The following PDZD2 variants were observed in gnomAD, a reference collection of about 807,000 sequenced individuals.
PDZD2 encodes PDZ domain containing 2.
Under a neutral mutation model 220.7 loss-of-function variants are expected in PDZD2, and 90 were observed. The ratio of observed to expected loss-of-function variants is 0.41; its 90% CI spans 0.34 to 0.49. The LOEUF (loss-of-function observed/expected upper bound fraction) is 0.49, where lower values mean the gene tolerates loss of function less well. Among genes scored for constraint, PDZD2 ranks in the 20% least tolerant of loss-of-function variants. The pLI is 0.28. For missense variants in PDZD2, 3,174 were observed against 3,608.5 expected, an observed-to-expected ratio of 0.88 and a Z score of 3.08; for synonymous variants, 1,375 against 1,450.5, an observed-to-expected ratio of 0.95 and a Z score of 1.18.
rs574508596 is a variant in PDZD2 at position 31,993,045 on chromosome 5, G to C, written c.979-2531G>C. 2.6e-5 allele frequency among the ~76,000 whole-genome samples: 4 copies of C among 152,236 alleles called. No individual in the cohort carries two copies. The South Asian group carries it at 8.3e-4, about 32-fold the overall frequency. ...TCGGGCCCCATTGGAAGTGTTGAAAGTTGCCATCTTGGTGGTTGCACTGCT... is the reference window on the plus strand; with the variant it reads ...TCGGGCCCCATTGGAAGTGTTGAAACTTGCCATCTTGGTGGTTGCACTGCT... On this transcript the variant is annotated intron_variant, in intron 3 of 24. Transcript: ENST00000438447.
chr5:32,100,579 G>T, intron 23 of PDZD2: 1 of 339,154 alleles, frequency 2.9e-6, no homozygotes, highest in Non-Finnish European at 5.8e-6. Context: ...AGGAGTGGCA[G>T]GAGCGGGGAG....
At chr5:31,799,793 C>A in intron 2 of PDZD2, 69 bp downstream of exon 2, 1 of 1,002,924 alleles carries the variant, frequency 1.0e-6, no homozygotes, top group Non-Finnish European at 1.6e-6. Context: ...AGATCTGCAG[C>A]TGCAGAGGTT....
Position 31,995,577 on chromosome 5 carries a change from A to T in PDZD2, c.980A>T (p.Glu327Val). Reference protein sequence around the residue: ...DFQSSDCLAREEVGRIWKMEL... With the variant: ...DFQSSDCLARVEVGRIWKMEL... Reference sequence around the variant, plus strand: ...GGTGTGCTCACTTTTTCTTCCAAGGAGGAAGTTGGCCGAATATGGAAGATG... The same window carrying T: ...GGTGTGCTCACTTTTTCTTCCAAGGTGGAAGTTGGCCGAATATGGAAGATG... Residue 327 changes from glutamate to valine, a missense_variant and splice_region_variant, in exon 4 of 25, where the codon GAG becomes GTG. Coordinates refer to ENST00000438447, the MANE Select transcript of PDZD2 (RefSeq NM_178140.4). 1 of 1,614,036 alleles carries T rather than the reference A, an allele frequency of 6.2e-7. No individual in the cohort carries two copies. The highest frequency in any genetic ancestry group is 8.5e-7 in the Non-Finnish European group (1 of 1,179,956).
At position 32,073,607 on chromosome 5, in the gene PDZD2, C is replaced by A. The variant is rs375201339; in HGVS notation, c.2726-225C>A. Among the ~76,000 whole-genome samples, 6 of 139,800 alleles carry A rather than the reference C, an allele frequency of 4.3e-5. No individual in the cohort carries two copies. In the South Asian group the frequency reaches 1.5e-3, roughly 36 times the overall value. 91.7% of individuals were successfully genotyped at this position (139,800 alleles called of 152,430 possible). On this transcript the variant is annotated intron_variant, in intron 17 of 24. Coordinates refer to ENST00000438447, the MANE Select transcript of PDZD2 (RefSeq NM_178140.4). Reference sequence around the variant, plus strand: ...CAGAGGTTGGGGTTTAAGAAAAGGGCGGGGGGGGTAGGTCAGTAGGGAAAA... The same window carrying A: ...CAGAGGTTGGGGTTTAAGAAAAGGGAGGGGGGGGTAGGTCAGTAGGGAAAA...
chr5:31,655,557 ATTT>A (rs10713962), intron 1 of PDZD2, among the ~76,000 whole-genome samples: 16 of 150,492 alleles, frequency 1.1e-4, no homozygotes, highest in African/African-American at 1.9e-4. Context: ...CTATGAGGGT[ATTT>A]TTTTTTTTTT....
At chr5:31,896,492 A>G (rs1264263805) in intron 2 of PDZD2, among the ~76,000 whole-genome samples, 1 of 152,066 alleles carries the variant, frequency 6.6e-6, no homozygotes, top group Non-Finnish European at 1.5e-5. Flanking sequence ...GATAGAATTC[A>G]TCCGCTCAGA....
chr5:31,919,714 A>AAG (rs1476966420), intron 2 of PDZD2, among the ~76,000 whole-genome samples: 1 of 33,668 alleles, frequency 3.0e-5, no homozygotes, highest in Non-Finnish European at 4.6e-5. Context: ...AAAGAAAAAA[A>AAG]AAAGGAAAAA....
chr5:31,734,867 G>A (rs1172587266), intron 1 of PDZD2, among the ~76,000 whole-genome samples: 1 of 152,186 alleles, frequency 6.6e-6, no homozygotes. Flanking sequence ...GAGACTTCAA[G>A]CGTTTTAGGA....
At position 32,050,327 on chromosome 5, in the gene PDZD2, C is replaced by T. The variant is rs145258604; in HGVS notation, c.1665+1643C>T. On this transcript the variant is annotated intron_variant, in intron 8 of 24. Transcript: ENST00000438447. ...TCTTAACTGACCTGCTGAGGAAACC[C>T]GACAGCATTTGTAGCCCAGAAACAT... is the stretch of plus-strand genomic sequence containing the variant. 1.1e-3 allele frequency among the ~76,000 whole-genome samples: 174 copies of T among 152,270 alleles called. 2 individuals carry two copies. The highest frequency in any genetic ancestry group is 4.0e-3 in the African/African-American group (167 of 41,548).
intron 1 of PDZD2, among the ~76,000 whole-genome samples, chr5:31,783,081 G>GATGAAGTTGGTTTAAACTTTATTTTAT (rs1210950475): frequency 3.3e-5 from 5 of 152,106 alleles, no homozygotes; most frequent in African/African-American, 1.2e-4. Flanking sequence ...CTTTATTTTA[G>GATGAAGTTGGTTTAAACTTTATTTTAT]ATGAAGTTGG....
At position 32,088,761 on chromosome 5, in the gene PDZD2, T is replaced by C. The variant is rs897250952; in HGVS notation, c.5313T>C (p.Val1771=). ...SVDVPKNGES[V]LENLHISESQ... ...ATGTCCCTAAGAATGGAGAATCTGT[T>C]TTGGAAAACCTCCACATCTCTGAAA... is the stretch of plus-strand genomic sequence containing the variant. Residue 1771 remains valine (V), a synonymous_variant, in exon 20 of 25, where the codon GTT becomes GTC. Transcript: ENST00000438447. The surrounding 1 kb of genome is among the most constrained non-coding windows in gnomAD (Gnocchi z 4.6). 1.1e-5 allele frequency: 17 copies of C among 1,614,068 alleles called. No individual in the cohort carries two copies. The highest frequency in any genetic ancestry group is 1.4e-5 in the Non-Finnish European group (17 of 1,180,000).
intron 1 of PDZD2, among the ~76,000 whole-genome samples, chr5:31,686,768 T>TG (rs1746889786): frequency 1.3e-5 from 2 of 152,274 alleles, no homozygotes; most frequent in Non-Finnish European, 2.9e-5. Flanking sequence ...AATAGGGATA[T>TG]GGTTTTCCAT....
chr5:31,708,801 A>T (rs1426517084), intron 1 of PDZD2, among the ~76,000 whole-genome samples: 1 of 152,116 alleles, frequency 6.6e-6, no homozygotes, highest in East Asian at 1.9e-4. Context: ...CTGATAACCC[A>T]TTAAGGGAAG....
chr5:32,108,643 A>G lies in PDZD2; in HGVS notation c.*508A>G, dbSNP rs549628272. On this transcript the variant is annotated 3_prime_UTR_variant, in exon 25 of 25. Coordinates refer to ENST00000438447, the MANE Select transcript of PDZD2 (RefSeq NM_178140.4). ...ATGGAAGGAGGAGATGTAGGTCTGT[A>G]TATGTTACCCTGAAAAGAGAATAAG... 22 of 152,896 alleles carry G rather than the reference A, an allele frequency of 1.4e-4. No homozygotes were observed. The highest frequency in any genetic ancestry group is 4.8e-4 in the African/African-American group (20 of 41,586). 9.5% of individuals were successfully genotyped at this position (152,896 alleles called of 1,614,324 possible).
rs183616524 is a variant in PDZD2, at chr5:31,864,793, C to G, written c.476+65069C>G. Among the ~76,000 whole-genome samples, 612 of 147,048 alleles carry G rather than the reference C, an allele frequency of 4.2e-3. 5 individuals carry two copies. The highest frequency in any genetic ancestry group is 0.014 in the African/African-American group (566 of 39,728). On this transcript the variant is annotated intron_variant, in intron 2 of 24. Coordinates refer to ENST00000438447, the MANE Select transcript of PDZD2 (RefSeq NM_178140.4). ...ACTACCAAAGTGCTGGGATTATAGG[C>G]ATGAGCCACAGTGCCCAGTCGAATT...
At chr5:31,698,471 C>T (rs368457530) in intron 1 of PDZD2, among the ~76,000 whole-genome samples, 3,093 of 150,930 alleles carry the variant, frequency 0.02, 62 homozygotes, top group South Asian at 0.075. Context: ...TGGTAGCGGG[C>T]GCCTGTAGTC....
chr5:31,835,785 C>T (rs139198769), intron 2 of PDZD2, among the ~76,000 whole-genome samples: 1,875 of 152,224 alleles, frequency 0.012, 20 homozygotes, highest in Non-Finnish European at 0.021. Flanking sequence ...TCTTCATTGT[C>T]TTGGGTAGGG....
intron 1 of PDZD2, among the ~76,000 whole-genome samples, chr5:31,785,481 C>T (rs1753328051): frequency 6.6e-6 from 1 of 151,144 alleles, no homozygotes; most frequent in South Asian, 2.1e-4. Flanking sequence ...CTCTGTCACC[C>T]AGGCTGGAGT....
At chr5:32,096,032 C>A (rs1053495995) in intron 21 of PDZD2, among the ~76,000 whole-genome samples, 2 of 151,124 alleles carry the variant, frequency 1.3e-5, no homozygotes, top group South Asian at 4.2e-4. Context: ...CGTGAGCCAC[C>A]GCACCCGGCG....
Sources: allele counts gnomAD v4.1 joint callset (sites outside exome capture counted in the v4.1 genomes callset), GRCh38; gene constraint gnomAD v4.1.1; non-coding constraint Gnocchi (gnomAD v3.1); transcripts MANE v1.5; gene names NCBI Gene and HGNC (gene_info 2026-07-23, HGNC 2026-07-21).